EPHA5: variants seen among roughly 807,000 people sequenced by gnomAD.
EPHA5 encodes the protein EPH receptor A5, also known as ephrin type-A receptor 5.
EPHA5 carries 60 observed loss-of-function variants against 105.0 expected under a neutral mutation model. The ratio of observed to expected loss-of-function variants is 0.57; its 90% CI spans 0.46 to 0.71. EPHA5 has a LOEUF of 0.71. EPHA5 is among the 30% of genes least tolerant of loss of function. The probability of loss-of-function intolerance (pLI) is 0.00; values close to 1 mark genes in which losing one functional copy is unlikely to be tolerated. For missense variants in EPHA5, 1,218 were observed against 1,274.7 expected, an observed-to-expected ratio of 0.96 and a Z score of 0.68; for synonymous variants, 513 against 449.1, an observed-to-expected ratio of 1.14 and a Z score of -1.80.
intron 5 of EPHA5, among the ~76,000 whole-genome samples, chr4:65,439,530 AAGT>A (rs1725816668): frequency 1.3e-5 from 2 of 150,698 alleles, no homozygotes; most frequent in Admixed American, 6.7e-5. Context: ...CATATCTTGC[AAGT>A]GCTGGTTGAA....
At chr4:65,337,949 C>A (rs1385065002) in intron 14 of EPHA5, among the ~76,000 whole-genome samples, 1 of 151,954 alleles carries the variant, frequency 6.6e-6, no homozygotes, top group South Asian at 2.1e-4. Flanking sequence ...AGCCTACTAC[C>A]TTAATTAATT....
chr4:65,369,882 G>T (rs937783417), intron 8 of EPHA5, among the ~76,000 whole-genome samples: 1 of 151,968 alleles, frequency 6.6e-6, no homozygotes, highest in Non-Finnish European at 1.5e-5. Context: ...CAGAAGAATC[G>T]CTTGAATCCA....
At chr4:65,554,597 T>G (rs182828425) in intron 3 of EPHA5, among the ~76,000 whole-genome samples, 2 of 151,840 alleles carry the variant, frequency 1.3e-5, no homozygotes, top group Admixed American at 1.3e-4. Flanking sequence ...TGTATTTCTA[T>G]TCTTATAACT....
intron 3 of EPHA5, among the ~76,000 whole-genome samples, chr4:65,521,768 G>T (rs1734749199): frequency 6.6e-6 from 1 of 151,898 alleles, no homozygotes; most frequent in Non-Finnish European, 1.5e-5. Context: ...GCAAAAGCAA[G>T]CCTTTCCTTT....
chr4:65,479,816 C>T (rs1730180900), intron 5 of EPHA5, among the ~76,000 whole-genome samples: 1 of 151,918 alleles, frequency 6.6e-6, no homozygotes, highest in Non-Finnish European at 1.5e-5. Flanking sequence ...GCTATACAAC[C>T]ATTAAATAAA....
rs61008833 is a variant in EPHA5 at position 65,557,233 on chromosome 4, GATATATATATAT to G, written c.910+44396_910+44407del. ...GTATTTTGAACATCATTTATACTGG[GATATATATATAT>G]ATATATATATATATTCTCACACTTT... On this transcript the variant is annotated intron_variant, in intron 3 of 16. Coordinates refer to ENST00000613740, the MANE Select transcript of EPHA5 (RefSeq NM_001281766.3). 2.6e-4 allele frequency among the ~76,000 whole-genome samples: 24 copies of G among 90,926 alleles called. 2 individuals are homozygous for G. The highest frequency in any genetic ancestry group is 6.1e-3 in the Middle Eastern group (1 of 164). The allele number at this position is 90,926 out of a possible 152,430, so 59.7% of individuals were successfully genotyped here.
chr4:65,577,079 C>T (rs1741132711), intron 3 of EPHA5, among the ~76,000 whole-genome samples: 1 of 152,140 alleles, frequency 6.6e-6, no homozygotes, highest in Non-Finnish European at 1.5e-5. Context: ...TTACTTCCAA[C>T]CAAAGAAAGA....
intron 5 of EPHA5, among the ~76,000 whole-genome samples, chr4:65,474,916 T>C: frequency 6.6e-6 from 1 of 152,316 alleles, no homozygotes; most frequent in East Asian, 1.9e-4. Flanking sequence ...CACGACCTTT[T>C]AAATAGACAT....
intron 8 of EPHA5, among the ~76,000 whole-genome samples, chr4:65,387,303 G>T (rs1422202235): frequency 1.3e-5 from 2 of 151,916 alleles, no homozygotes; most frequent in Non-Finnish European, 2.9e-5. Context: ...ACTGGAGCAG[G>T]ATCCAGTCAC....
At chr4:65,333,001 TACAAA>T (rs1720786524) in intron 15 of EPHA5, among the ~76,000 whole-genome samples, 1 of 151,640 alleles carries the variant, frequency 6.6e-6, no homozygotes, top group Non-Finnish European at 1.5e-5. Flanking sequence ...TAACCCCAAA[TACAAA>T]ACAAAACTTA....
Position 65,586,069 on chromosome 4 carries a change from G to A in EPHA5, c.910+15572C>T, listed in dbSNP as rs531411443. Among the ~76,000 whole-genome samples the A allele has an allele frequency of 5.9e-5, 9 of 151,324 alleles. No homozygotes were observed. The East Asian group carries it at 1.6e-3, about 26-fold the overall frequency. ...AGAGGAAGAGAGAGAGTACACTTAGGGAAATTGGATTTGCAGTCAAATTTT... is the reference window on the plus strand; with the variant it reads ...AGAGGAAGAGAGAGAGTACACTTAGAGAAATTGGATTTGCAGTCAAATTTT... On this transcript the variant is annotated intron_variant, in intron 3 of 16. Transcript: ENST00000613740.
intron 8 of EPHA5, among the ~76,000 whole-genome samples, chr4:65,368,221 T>A (rs893895964): frequency 2.6e-5 from 4 of 152,108 alleles, no homozygotes; most frequent in Non-Finnish European, 4.4e-5. Flanking sequence ...ACCTCTCTGG[T>A]TCTCTCCTCT....
intron 11 of EPHA5, among the ~76,000 whole-genome samples, chr4:65,359,473 A>G (rs892017165): frequency 3.3e-5 from 5 of 151,626 alleles, no homozygotes; most frequent in Non-Finnish European, 7.4e-5. Context: ...AGGTATCTCC[A>G]ATTTAACATG....
In EPHA5 at chr4:65,585,118, G is replaced by GC. The variant is rs200283296; in HGVS notation, c.910+16522_910+16523insG. ...TGCATGTATATGTGTGTGCATGTGT[G>GC]TTTGTGTGTGTGTGTGTGTGTGTGT... On this transcript the variant is annotated intron_variant, in intron 3 of 16. Coordinates refer to ENST00000613740, the MANE Select transcript of EPHA5 (RefSeq NM_001281766.3). 1.7e-3 allele frequency among the ~76,000 whole-genome samples: 193 copies of GC among 116,236 alleles called. 1 individual carries two copies. The South Asian group carries it at 0.021, about 13-fold the overall frequency. The allele number at this position is 116,236 out of a possible 152,430, so 76.3% of individuals were successfully genotyped here.
At chr4:65,430,177 TCAAA>T (rs979273139) in intron 5 of EPHA5, among the ~76,000 whole-genome samples, 7 of 152,068 alleles carry the variant, frequency 4.6e-5, no homozygotes, top group Non-Finnish European at 1.0e-4. Context: ...CATTTTTTAC[TCAAA>T]CAGATCACGC....
rs373936382 is a variant in EPHA5, at chr4:65,531,138, C to T, written c.911-35595G>A. On this transcript the variant is annotated intron_variant, in intron 3 of 16. Transcript: ENST00000613740. ...CTGCAAGCTCCGCTTCCCGGGTTCA[C>T]GCCATTCTCCTGCCTCAGCCTCCCG... Among the ~76,000 whole-genome samples the T allele has an allele frequency of 6.6e-3, 992 of 151,068 alleles. 14 individuals are homozygous for T. The highest frequency in any genetic ancestry group is 0.023 in the African/African-American group (937 of 41,262).
chr4:65,490,152 ATGTTT>A (rs999202257), intron 5 of EPHA5, among the ~76,000 whole-genome samples: 11 of 152,344 alleles, frequency 7.2e-5, no homozygotes, highest in Admixed American at 5.9e-4. Context: ...CAATTAAAAA[ATGTTT>A]TGTTTTGTTT....
intron 3 of EPHA5, among the ~76,000 whole-genome samples, chr4:65,567,503 C>A (rs1217676786): frequency 2.0e-5 from 3 of 151,406 alleles, no homozygotes; most frequent in African/African-American, 7.3e-5. Context: ...AAGACAAGGG[C>A]TCTGACAAGA....
At chr4:65,502,529 A>T (rs1732601607) in intron 3 of EPHA5, among the ~76,000 whole-genome samples, 1 of 152,006 alleles carries the variant, frequency 6.6e-6, no homozygotes. Flanking sequence ...GGAGAGATGC[A>T]AATCAAAACC....
Sources: allele counts gnomAD v4.1 joint callset (sites outside exome capture counted in the v4.1 genomes callset), GRCh38; gene constraint gnomAD v4.1.1; transcripts MANE v1.5; gene names NCBI Gene and HGNC (gene_info 2026-07-23, HGNC 2026-07-21).